The following ZFHX3 variants were observed in gnomAD, a reference collection of about 807,000 sequenced individuals.
The protein encoded by ZFHX3 is zinc finger homeobox 3.
Under a neutral mutation model 279.1 loss-of-function variants are expected in ZFHX3, and 42 were observed. The ratio of observed to expected loss-of-function variants is 0.15; its 90% CI spans 0.12 to 0.19. ZFHX3 has a LOEUF of 0.19. Among genes scored for constraint, ZFHX3 ranks in the 10% least tolerant of loss-of-function variants. The probability of loss-of-function intolerance (pLI) is 1.00; values close to 1 mark genes in which losing one functional copy is unlikely to be tolerated. For synonymous variants in ZFHX3, 2,293 were observed against 1,957.8 expected, an observed-to-expected ratio of 1.17 and a Z score of -4.52; for missense variants, 4,981 against 4,754.0, an observed-to-expected ratio of 1.05 and a Z score of -1.40.
At chr16:73,294,145 T>C (rs2014845693) in intron 4 of ZFHX3, 1 of 152,180 alleles carries the variant, frequency 6.6e-6, no homozygotes, top group Non-Finnish European at 1.5e-5. Context: ...TTTATGACAA[T>C]TGGATATATA....
intron 1 of ZFHX3, among the ~76,000 whole-genome samples, chr16:73,862,016 C>T (rs1050177948): frequency 5.3e-5 from 8 of 152,162 alleles, no homozygotes; most frequent in African/African-American, 1.9e-4. Context: ...ACCCACCTTC[C>T]CAAGGAAGAA....
At chr16:73,632,566 G>A (rs1329564000) in intron 2 of ZFHX3, among the ~76,000 whole-genome samples, 1 of 151,898 alleles carries the variant, frequency 6.6e-6, no homozygotes, top group Non-Finnish European at 1.5e-5. Flanking sequence ...CGCACCTGTA[G>A]TCCCAGCTAC....
At chr16:72,835,397 G>A (rs984074497) in intron 4 of ZFHX3, among the ~76,000 whole-genome samples, 10 of 151,488 alleles carry the variant, frequency 6.6e-5, no homozygotes, top group South Asian at 6.3e-4. Flanking sequence ...TTTTTCATTC[G>A]GCATTAAAAA....
chr16:73,846,047 C>T (rs1961441211), intron 1 of ZFHX3, among the ~76,000 whole-genome samples: 1 of 152,182 alleles, frequency 6.6e-6, no homozygotes, highest in Non-Finnish European at 1.5e-5. Flanking sequence ...AATCTTCTCA[C>T]ATAGGCCTCC....
At chr16:72,888,247 A>G (rs775266408) in intron 4 of ZFHX3, among the ~76,000 whole-genome samples, 2 of 152,244 alleles carry the variant, frequency 1.3e-5, no homozygotes, top group Non-Finnish European at 2.9e-5. Flanking sequence ...AAAACTGCAC[A>G]CATCCATGAT....
intron 1 of ZFHX3, among the ~76,000 whole-genome samples, chr16:73,037,597 G>A (rs566218848): frequency 6.6e-6 from 1 of 152,278 alleles, no homozygotes; most frequent in African/African-American, 2.4e-5. Flanking sequence ...TCACAGCTCT[G>A]GCAAGCTTGT....
At chr16:73,350,807 C>A (rs529711919) in intron 3 of ZFHX3, among the ~76,000 whole-genome samples, 2 of 152,294 alleles carry the variant, frequency 1.3e-5, no homozygotes, top group African/African-American at 4.8e-5. Flanking sequence ...GTCTGCAAGC[C>A]AAAGACGGTC....
intron 2 of ZFHX3, among the ~76,000 whole-genome samples, chr16:73,544,205 G>C (rs375941929): frequency 6.6e-6 from 1 of 152,212 alleles, no homozygotes; most frequent in Admixed American, 6.5e-5. Context: ...AAAAAAAAAG[G>C]TGGGGTGGAG....
At chr16:72,930,600 A>G (rs1344267970) in intron 3 of ZFHX3, among the ~76,000 whole-genome samples, 2 of 152,240 alleles carry the variant, frequency 1.3e-5, no homozygotes, top group South Asian at 2.1e-4. Context: ...GGAGCAGACA[A>G]TAGCAATTGA....
At chr16:73,392,196 G>C (rs113799021) in intron 3 of ZFHX3, among the ~76,000 whole-genome samples, 18,257 of 151,788 alleles carry the variant, frequency 0.12, 1,141 homozygotes, top group Middle Eastern at 0.14. Context: ...GAGGTGGGTG[G>C]TTCACTTGAG....
intron 3 of ZFHX3, chr16:73,401,054 TTC>T (rs1422556729): frequency 6.6e-6 from 1 of 152,060 alleles, no homozygotes; most frequent in Non-Finnish European, 1.5e-5. Context: ...GGATTTTTTT[TTC>T]TTTCTTTGAA....
chr16:73,323,930 A>T, intron 3 of ZFHX3, among the ~76,000 whole-genome samples: 1 of 152,242 alleles, frequency 6.6e-6, no homozygotes, highest in East Asian at 1.9e-4. Context: ...AGGAGCCAGA[A>T]GGGCTCTTCA....
At chr16:73,587,751 A>T (rs563493946) in intron 2 of ZFHX3, among the ~76,000 whole-genome samples, 132 of 152,364 alleles carry the variant, frequency 8.7e-4, no homozygotes, top group South Asian at 3.9e-3. Flanking sequence ...AAAAATGTCA[A>T]ATTTTATTAA....
At chr16:73,566,998 C>T (rs2020461157) in intron 2 of ZFHX3, among the ~76,000 whole-genome samples, 1 of 152,180 alleles carries the variant, frequency 6.6e-6, no homozygotes. Context: ...TGCACCCAGC[C>T]AACACTGAGC....
chr16:73,760,660 C>G (rs1021763007), intron 1 of ZFHX3, among the ~76,000 whole-genome samples: 2 of 152,154 alleles, frequency 1.3e-5, no homozygotes, highest in African/African-American at 4.8e-5. Context: ...GGATGCAAGG[C>G]TGGTTCAAGA....
intron 3 of ZFHX3, among the ~76,000 whole-genome samples, chr16:73,324,554 T>G (rs1448879733): frequency 6.6e-6 from 1 of 152,142 alleles, no homozygotes; most frequent in Non-Finnish European, 1.5e-5. Flanking sequence ...CATTACATGA[T>G]GGAGAACAAG....
chr16:73,800,648 G>C (rs983367420), intron 1 of ZFHX3, among the ~76,000 whole-genome samples: 1 of 151,888 alleles, frequency 6.6e-6, no homozygotes, highest in East Asian at 1.9e-4. Context: ...AAACATCAGG[G>C]CTCCTCCAAG....
chr16:73,085,985 C>CAAAAAAAAA (rs57128744), intron 8 of ZFHX3, among the ~76,000 whole-genome samples: 5 of 54,202 alleles, frequency 9.2e-5, no homozygotes, highest in East Asian at 5.9e-4. Flanking sequence ...AACTCAATTG[C>CAAAAAAAAA]AAAAAAAAAA....
At chr16:73,143,006 T>C (rs931382391) in intron 6 of ZFHX3, among the ~76,000 whole-genome samples, 2 of 152,088 alleles carry the variant, frequency 1.3e-5, no homozygotes, top group Admixed American at 6.5e-5. Context: ...GAGTTTTAGG[T>C]GGTGCTTAAG....
Sources: allele counts gnomAD v4.1 joint callset (sites outside exome capture counted in the v4.1 genomes callset), GRCh38; gene constraint gnomAD v4.1.1; transcripts MANE v1.5; gene names NCBI Gene and HGNC (gene_info 2026-07-23, HGNC 2026-07-21).